MRPL48: variants seen among roughly 807,000 people sequenced by gnomAD.
The protein encoded by MRPL48 is large ribosomal subunit protein mL48.
In MRPL48, 16 loss-of-function variants were observed where a neutral mutation model predicts 32.9. That is an observed-to-expected ratio of 0.49 (90% CI 0.33 to 0.74). The LOEUF (loss-of-function observed/expected upper bound fraction) is 0.74. Ranked by LOEUF, MRPL48 falls within the 30% of genes least tolerant of loss-of-function variation. The pLI is 0.02. For missense variants in MRPL48, 206 were observed against 245.3 expected (o/e 0.84, Z 1.07); for synonymous variants, 94 against 89.2 (o/e 1.05, Z -0.31).
chr11:73,787,896 T>A lies in MRPL48; in HGVS notation c.-76T>A. On this transcript the variant is annotated 5_prime_UTR_variant, in exon 1 of 8. Transcript: ENST00000310614. ...CTGGTCAAGGCCGTTCCTTCAGTGT[T>A]TTCAGACGCCCTGGGAACGCGGCTG... The A allele has an allele frequency of 1.3e-6, 2 of 1,573,636 alleles. No homozygotes were observed. The highest frequency in any genetic ancestry group is 4.6e-5 in the East Asian group (2 of 43,038).
At chr11:73,837,734 C>T (rs1300370189) in intron 4 of MRPL48, among the ~76,000 whole-genome samples, 3 of 152,182 alleles carry the variant, frequency 2.0e-5, no homozygotes, top group Admixed American at 6.5e-5. Context: ...AGTCCATCCT[C>T]CCTACTACGT....
At chr11:73,855,399 A>G (rs1243557005) in intron 5 of MRPL48, among the ~76,000 whole-genome samples, 3 of 151,680 alleles carry the variant, frequency 2.0e-5, no homozygotes, top group East Asian at 3.9e-4. Context: ...CTCTAGTTAC[A>G]CTGGCTTTGT....
rs759548627 is a variant in MRPL48, at chr11:73,844,912, G to A, written c.307G>A (p.Ala103Thr). ...TCTGACTGCATATGATATGACCCTG[G>A]CAGAGAGTTATGCCCAGTATGTTCA... is the stretch of plus-strand genomic sequence containing the variant. ...IHLTAYDMTL[A>T]ESYAQYVHNL... is the part of the protein sequence containing the mutation. Residue 103 changes from alanine to threonine, a missense_variant, in exon 5 of 8, where the codon GCA (alanine) becomes ACA (threonine). Physicochemically the swap from Ala to Thr is moderately conservative, Grantham distance 58 (BLOSUM62 0). Transcript: ENST00000310614. 6.2e-7 allele frequency: 1 copy of A among 1,613,696 alleles called. No individual in the cohort carries two copies. The highest frequency in any genetic ancestry group is 1.7e-5 in the Admixed American group (1 of 59,980).
chr11:73,808,736 A>G (rs9734648), intron 3 of MRPL48, among the ~76,000 whole-genome samples: 1 of 151,988 alleles, frequency 6.6e-6, no homozygotes. Flanking sequence ...AGCCTGGCCA[A>G]CATGGTGAAA....
intron 1 of MRPL48, among the ~76,000 whole-genome samples, chr11:73,796,982 C>T (rs1816450275): frequency 1.3e-5 from 2 of 152,072 alleles, no homozygotes; most frequent in South Asian, 4.1e-4. Context: ...CAGGAGAATC[C>T]CTTGAACCCA....
intron 6 of MRPL48, 87 bp from the exon 7 acceptor site, chr11:73,863,085 G>T: frequency 8.7e-7 from 1 of 1,153,766 alleles, no homozygotes; most frequent in Non-Finnish European, 1.3e-6. Flanking sequence ...CTCTACTGGA[G>T]CTGGCATTTG....
chr11:73,802,832 TGG>T (rs1947383206), intron 1 of MRPL48, among the ~76,000 whole-genome samples: 1 of 152,058 alleles, frequency 6.6e-6, no homozygotes. Flanking sequence ...CCTGAGTAGC[TGG>T]GATCACAGGT....
chr11:73,804,979 A>C, intron 1 of MRPL48, 48 bp from the exon 2 acceptor site: 1 of 1,535,130 alleles, frequency 6.5e-7, no homozygotes, highest in Non-Finnish European at 8.9e-7. Flanking sequence ...ACATACTTGG[A>C]GGTCTATAAA....
At chr11:73,827,781 A>T (rs1947925238) in intron 4 of MRPL48, among the ~76,000 whole-genome samples, 1 of 152,200 alleles carries the variant, frequency 6.6e-6, no homozygotes, top group Non-Finnish European at 1.5e-5. Flanking sequence ...TCCTTACAGT[A>T]AAGAATTTCA....
intron 1 of MRPL48, among the ~76,000 whole-genome samples, chr11:73,790,899 T>C (rs1365503392): frequency 2.7e-5 from 4 of 148,898 alleles, no homozygotes; most frequent in African/African-American, 9.9e-5. Context: ...TTTTTTTTTT[T>C]TTTTGAGACA....
intron 5 of MRPL48, among the ~76,000 whole-genome samples, chr11:73,846,156 C>T (rs537996083): frequency 6.6e-6 from 1 of 151,708 alleles, no homozygotes; most frequent in Admixed American, 6.6e-5. Flanking sequence ...CTCCCCTAAG[C>T]TCCTGGTAAC....
chr11:73,805,026 G>A lies in MRPL48; in HGVS notation c.22-1G>A, dbSNP rs1222067018. ...GTCCTAACATGGCTGTTTTGCTGTA[G>A]GTGCTGTGCCTGAGGAACAATACCA... On this transcript the variant is annotated splice_acceptor_variant, in intron 1 of 7. Coordinates refer to ENST00000310614, the MANE Select transcript of MRPL48 (RefSeq NM_016055.6). LOFTEE classifies it high-confidence loss of function. The A allele has an allele frequency of 6.3e-7, 1 of 1,589,682 alleles. No homozygotes were observed. Among genetic ancestry groups the A allele is most frequent in the Non-Finnish European group, 8.6e-7 (1 of 1,166,996 alleles).
Position 73,794,921 on chromosome 11 carries a change from T to G in MRPL48, c.21+6929T>G, listed in dbSNP as rs185314715. Among the ~76,000 whole-genome samples the G allele has an allele frequency of 9.4e-3, 1,409 of 150,658 alleles. 16 individuals carry two copies. The highest frequency in any genetic ancestry group is 0.027 in the Middle Eastern group (8 of 292). ...CACCATGCCCAGCTAATTTTTTTTT[T>G]TTTTTTGGAGATGGAGTCTTGCTCC... On this transcript the variant is annotated intron_variant, in intron 1 of 7. Coordinates refer to ENST00000310614, the MANE Select transcript of MRPL48 (RefSeq NM_016055.6).
At chr11:73,792,803 C>T (rs1947175346) in intron 1 of MRPL48, among the ~76,000 whole-genome samples, 1 of 152,206 alleles carries the variant, frequency 6.6e-6, no homozygotes, top group Non-Finnish European at 1.5e-5. Context: ...CAAACAATTA[C>T]CACCACCATT....
chr11:73,857,843 T>C (rs1372125779), intron 5 of MRPL48, among the ~76,000 whole-genome samples: 3 of 152,108 alleles, frequency 2.0e-5, no homozygotes, highest in Non-Finnish European at 4.4e-5. Flanking sequence ...TCCACCTGCC[T>C]CAACCTCCCA....
intron 3 of MRPL48, among the ~76,000 whole-genome samples, chr11:73,810,716 C>T (rs1472065765): frequency 6.6e-6 from 1 of 151,406 alleles, no homozygotes; most frequent in African/African-American, 2.4e-5. Context: ...TAGCCCCCCA[C>T]CCCCCGAGAG....
chr11:73,812,743 TATTTA>T (rs1565409702), intron 3 of MRPL48, among the ~76,000 whole-genome samples: 1 of 138,224 alleles, frequency 7.2e-6, no homozygotes, highest in African/African-American at 2.8e-5. Flanking sequence ...TATATATATT[TATTTA>T]TTTATTTTTT....
intron 4 of MRPL48, among the ~76,000 whole-genome samples, chr11:73,837,642 A>G (rs1948126939): frequency 6.6e-6 from 1 of 152,130 alleles, no homozygotes. Flanking sequence ...GTGCAGTCCT[A>G]CAAGGACCTA....
chr11:73,810,562 T>A (rs1220300492), intron 3 of MRPL48, among the ~76,000 whole-genome samples: 3 of 151,780 alleles, frequency 2.0e-5, no homozygotes, highest in Non-Finnish European at 4.4e-5. Flanking sequence ...TTTCTTTATT[T>A]TTTTTTTTTT....
Sources: gnomAD v4.1 joint callset for allele counts (sites outside exome capture counted in the v4.1 genomes callset) on GRCh38, gnomAD v4.1.1 for gene constraint, MANE v1.5 for transcripts, NCBI Gene and HGNC (gene_info 2026-07-23, HGNC 2026-07-21) for gene names.